Variants in APP observed in about 807,000 individuals in gnomAD.
The protein encoded by APP is amyloid-beta precursor protein.
Under a neutral mutation model 101.4 loss-of-function variants are expected in APP, and 31 were observed. The observed-to-expected ratio is 0.31, with a 90% CI of 0.23 to 0.41. The LOEUF (loss-of-function observed/expected upper bound fraction) is 0.41, where lower values mean the gene tolerates loss of function less well. APP is among the 10% of genes least tolerant of loss of function. The pLI is 1.00. For missense variants in APP, 839 were observed against 1,003.7 expected (o/e 0.84, Z 2.22); for synonymous variants, 366 against 364.4 (o/e 1.00, Z -0.05).
intron 11 of APP, among the ~76,000 whole-genome samples, chr21:25,974,732 C>T (rs1195816447): frequency 7.2e-5 from 11 of 152,210 alleles, no homozygotes; most frequent in Non-Finnish European, 1.0e-4. Flanking sequence ...TGGAAGACAT[C>T]CTTCCAGCTT....
At chr21:25,985,890 C>T (rs1050662660) in intron 8 of APP, among the ~76,000 whole-genome samples, 1 of 151,952 alleles carries the variant, frequency 6.6e-6, no homozygotes, top group Non-Finnish European at 1.5e-5. Context: ...AACCAGCAAG[C>T]CAGATTACTG....
At chr21:26,142,921 C>G (rs2830089) in intron 1 of APP, among the ~76,000 whole-genome samples, 78,491 of 152,028 alleles carry the variant, frequency 0.52, 21,090 homozygotes, top group African/African-American at 0.67. Flanking sequence ...AAAAGATGTC[C>G]AATTTTTAAA....
chr21:26,052,350 A>G (rs888254355), intron 4 of APP, among the ~76,000 whole-genome samples: 1 of 152,210 alleles, frequency 6.6e-6, no homozygotes. Context: ...ATAACAAAAA[A>G]TGTCTCCAGA....
chr21:26,070,963 T>C (rs910050914), intron 3 of APP, among the ~76,000 whole-genome samples: 1 of 152,194 alleles, frequency 6.6e-6, no homozygotes, highest in African/African-American at 2.4e-5. Flanking sequence ...CCTTTGCTAC[T>C]TTTCTGCTTG....
At chr21:26,066,675 T>C (rs2046466170) in intron 3 of APP, among the ~76,000 whole-genome samples, 1 of 152,226 alleles carries the variant, frequency 6.6e-6, no homozygotes, top group South Asian at 2.1e-4. Flanking sequence ...TTCTCTTCCA[T>C]AAACCTGCAT....
intron 1 of APP, among the ~76,000 whole-genome samples, chr21:26,130,365 A>G (rs955459664): frequency 6.6e-6 from 1 of 152,266 alleles, no homozygotes; most frequent in Non-Finnish European, 1.5e-5. Context: ...CCAAGCTTCT[A>G]TAGTGTCTCT....
In APP at chr21:26,021,880, G is replaced by A. The variant is rs765151011; in HGVS notation, c.825C>T (p.Thr275=). 1.2e-5 allele frequency: 19 copies of A among 1,613,682 alleles called. No individual in the cohort carries two copies. The highest frequency in any genetic ancestry group is 1.6e-4 in the Middle Eastern group (1 of 6,084). ...ATERTTSIAT[T]TTTTTESVEE... ...CCACAGACTCTGTGGTGGTGGTGGT[G>A]GTGGTGGCAATGCTGGTGGTTCTCT... Residue 275 remains threonine (T), a synonymous_variant, in exon 6 of 18, where the codon ACC becomes ACT. Coordinates refer to ENST00000346798, the MANE Select transcript of APP (RefSeq NM_000484.4).
chr21:26,017,788 A>T (rs2044166535), intron 6 of APP, among the ~76,000 whole-genome samples: 1 of 152,232 alleles, frequency 6.6e-6, no homozygotes, highest in South Asian at 2.1e-4. Context: ...AAGAACAGAA[A>T]ATTAGGAGCA....
chr21:26,152,229 G>A (rs2063288812), intron 1 of APP, among the ~76,000 whole-genome samples: 2 of 134,272 alleles, frequency 1.5e-5, no homozygotes, highest in Admixed American at 1.7e-4. Context: ...AGCTTGCAGT[G>A]AGCCGAGATC....
intron 2 of APP, among the ~76,000 whole-genome samples, chr21:26,091,157 T>A (rs1055093313): frequency 1.3e-5 from 2 of 152,226 alleles, no homozygotes; most frequent in Non-Finnish European, 2.9e-5. Context: ...TAACAACGAA[T>A]AGAGAAGTGA....
chr21:26,156,861 G>A (rs2830098), intron 1 of APP, among the ~76,000 whole-genome samples: 8,268 of 46,902 alleles, frequency 0.18, 358 homozygotes, highest in South Asian at 0.35. Flanking sequence ...CTTCACGGGT[G>A]AAAAAAAGTA....
At chr21:25,950,227 A>G (rs540272036) in intron 13 of APP, among the ~76,000 whole-genome samples, 1 of 152,192 alleles carries the variant, frequency 6.6e-6, no homozygotes, top group South Asian at 2.1e-4. Context: ...AGAGGCACTC[A>G]TTAGTTGGTT....
In APP at chr21:26,102,323, T is replaced by A. The variant is rs371222360; in HGVS notation, c.225+9656A>T. 4.3e-4 allele frequency among the ~76,000 whole-genome samples: 66 copies of A among 152,104 alleles called. 1 individual carries two copies. In the East Asian group the frequency reaches 0.011, roughly 25 times the overall value. ...CCGGGATGGTCTCGATCTCCTGACC[T>A]CGTGATCTGCCCGCCTCGGCCTCCC... On this transcript the variant is annotated intron_variant, in intron 2 of 17. Transcript: ENST00000346798.
chr21:26,114,964 AT>A (rs900347526), intron 1 of APP, among the ~76,000 whole-genome samples: 3 of 151,986 alleles, frequency 2.0e-5, no homozygotes, highest in African/African-American at 7.3e-5. Context: ...TTTTTAAAAC[AT>A]TTTTTTCAAA....
At chr21:26,057,882 ATAT>A (rs1357924878) in intron 3 of APP, among the ~76,000 whole-genome samples, 1 of 152,334 alleles carries the variant, frequency 6.6e-6, no homozygotes, top group East Asian at 1.9e-4. Flanking sequence ...AAGTACTTTA[ATAT>A]TATAATCTAC....
intron 13 of APP, chr21:25,928,930 C>G (rs888387963): frequency 1.3e-5 from 2 of 151,814 alleles, no homozygotes; most frequent in South Asian, 4.2e-4. Context: ...CCATGTTGGC[C>G]GGGATGGTCT....
At chr21:25,912,973 A>G (rs1341194651) in intron 13 of APP, among the ~76,000 whole-genome samples, 2 of 152,220 alleles carry the variant, frequency 1.3e-5, no homozygotes, top group East Asian at 3.8e-4. Flanking sequence ...ACTATTAACA[A>G]TAATATTTGA....
At chr21:25,965,899 A>C (rs568491863) in intron 11 of APP, among the ~76,000 whole-genome samples, 1 of 152,364 alleles carries the variant, frequency 6.6e-6, no homozygotes, top group African/African-American at 2.4e-5. Flanking sequence ...GCTGGAAGAA[A>C]GCAGAGCGTA....
intron 5 of APP, among the ~76,000 whole-genome samples, chr21:26,047,156 T>C (rs909577101): frequency 2.6e-5 from 4 of 152,194 alleles, no homozygotes; most frequent in African/African-American, 9.6e-5. Flanking sequence ...TACCTCTTTT[T>C]CAATGAGGTC....
Sources: allele counts gnomAD v4.1 joint callset (sites outside exome capture counted in the v4.1 genomes callset), GRCh38; gene constraint gnomAD v4.1.1; transcripts MANE v1.5; gene names NCBI Gene and HGNC (gene_info 2026-07-23, HGNC 2026-07-21).